Variants in TOX observed in about 807,000 individuals in gnomAD.
The protein encoded by TOX is thymocyte selection-associated high mobility group box protein TOX.
TOX carries 11 observed loss-of-function variants against 53.7 expected under a neutral mutation model. The ratio of observed to expected loss-of-function variants is 0.20; its 90% CI spans 0.13 to 0.34. TOX has a LOEUF of 0.34. Ranked by LOEUF, TOX falls within the 10% of genes least tolerant of loss-of-function variation. The pLI is 1.00. For missense variants in TOX, 570 were observed against 664.6 expected (o/e 0.86, Z 1.56); for synonymous variants, 225 against 245.3 (o/e 0.92, Z 0.77).
intron 1 of TOX, among the ~76,000 whole-genome samples, chr8:58,999,724 AT>A (rs1351223665): frequency 1.3e-5 from 2 of 152,116 alleles, no homozygotes; most frequent in Non-Finnish European, 2.9e-5. Flanking sequence ...GGCGATCTCT[AT>A]TTTTTAGGAA....
chr8:59,090,990 G>C (rs1804598233), intron 1 of TOX, among the ~76,000 whole-genome samples: 1 of 152,098 alleles, frequency 6.6e-6, no homozygotes, highest in Non-Finnish European at 1.5e-5. Flanking sequence ...ACTCCAGCAG[G>C]TTTTCCCATG....
At chr8:59,006,998 A>C (rs1326809834) in intron 1 of TOX, among the ~76,000 whole-genome samples, 1 of 152,150 alleles carries the variant, frequency 6.6e-6, no homozygotes, top group Non-Finnish European at 1.5e-5. Context: ...CTTCGTACAC[A>C]CTTGTTGATG....
At chr8:59,061,565 T>C (rs945325787) in intron 1 of TOX, among the ~76,000 whole-genome samples, 5 of 152,016 alleles carry the variant, frequency 3.3e-5, no homozygotes, top group African/African-American at 9.7e-5. Context: ...TCCCCTCTTT[T>C]CCCCCACCCC....
At chr8:58,951,407 A>G (rs576118816) in intron 2 of TOX, among the ~76,000 whole-genome samples, 1 of 152,308 alleles carries the variant, frequency 6.6e-6, no homozygotes, top group African/African-American at 2.4e-5. Context: ...CCAGGCAAGA[A>G]GAAGCTTCCT....
intron 3 of TOX, among the ~76,000 whole-genome samples, chr8:58,881,307 C>T (rs977592299): frequency 2.6e-5 from 4 of 152,164 alleles, no homozygotes; most frequent in African/African-American, 7.2e-5. Context: ...GTATTATCCT[C>T]TAAAGACAAT....
chr8:59,005,599 G>C lies in TOX; in HGVS notation c.103-45591C>G, dbSNP rs1813776673. On this transcript the variant is annotated intron_variant, in intron 1 of 8. Transcript: ENST00000361421. ...TATCACCATAAAATTTAACAACATA[G>C]TTTTCTAGCAAAATTCACTACATGT... 3.9e-5 allele frequency among the ~76,000 whole-genome samples: 6 copies of C among 152,030 alleles called. No homozygotes were observed. In the South Asian group the frequency reaches 1.2e-3, roughly 32 times the overall value.
chr8:59,115,057 A>T (rs1439960090), intron 1 of TOX, among the ~76,000 whole-genome samples: 1 of 152,158 alleles, frequency 6.6e-6, no homozygotes, highest in East Asian at 1.9e-4. Flanking sequence ...CCAAATGCCC[A>T]CTATTCTTCA....
At chr8:58,928,880 CA>C (rs1311131021) in intron 3 of TOX, among the ~76,000 whole-genome samples, 1 of 152,036 alleles carries the variant, frequency 6.6e-6, no homozygotes, top group African/African-American at 2.4e-5. Flanking sequence ...AATGTGATTA[CA>C]TATACAATAG....
chr8:58,966,313 G>T lies in TOX; in HGVS notation c.103-6305C>A, dbSNP rs147789135. Among the ~76,000 whole-genome samples the T allele has an allele frequency of 1.8e-4, 28 of 152,290 alleles. No homozygotes were observed. In the East Asian group the frequency reaches 5.0e-3, roughly 27 times the overall value. ...GAAAGGAAAGAGACCAGACTGAGCC[G>T]AGGCTATCAACACCCAAAGAAAAGA... On this transcript the variant is annotated intron_variant, in intron 1 of 8. Coordinates refer to ENST00000361421, the MANE Select transcript of TOX (RefSeq NM_014729.3).
At chr8:59,062,038 T>G (rs1020755148) in intron 1 of TOX, among the ~76,000 whole-genome samples, 2 of 152,168 alleles carry the variant, frequency 1.3e-5, no homozygotes, top group African/African-American at 4.8e-5. Context: ...CTGTATAGCA[T>G]TTTGGGATCT....
At chr8:58,825,571 T>C (rs1810351851) in intron 6 of TOX, among the ~76,000 whole-genome samples, 1 of 152,222 alleles carries the variant, frequency 6.6e-6, no homozygotes, top group Non-Finnish European at 1.5e-5. Flanking sequence ...TGTATTGATT[T>C]GCTCCTGTGT....
intron 1 of TOX, 105 bp from the exon 2 acceptor site, chr8:58,960,113 C>T: frequency 1.6e-6 from 2 of 1,266,250 alleles, no homozygotes; most frequent in South Asian, 1.3e-5. Context: ...AAAACAGTAG[C>T]CATAAAAAAT....
At chr8:59,086,594 T>C (rs1179756382) in intron 1 of TOX, among the ~76,000 whole-genome samples, 2 of 152,204 alleles carry the variant, frequency 1.3e-5, no homozygotes, top group African/African-American at 4.8e-5. Context: ...AATAAACTGC[T>C]CTGAATCAAA....
At chr8:58,960,730 T>A (rs1460752466) in intron 1 of TOX, among the ~76,000 whole-genome samples, 5 of 152,182 alleles carry the variant, frequency 3.3e-5, no homozygotes, top group Admixed American at 1.3e-4. Context: ...GCAGCACAAT[T>A]GGAGAACTCT....
At chr8:58,952,379 T>G (rs748626156) in intron 2 of TOX, among the ~76,000 whole-genome samples, 1 of 152,258 alleles carries the variant, frequency 6.6e-6, no homozygotes, top group Non-Finnish European at 1.5e-5. Flanking sequence ...CATTCTTTAG[T>G]GACAGGTTTA....
At chr8:58,912,696 G>A (rs1399319134) in intron 3 of TOX, among the ~76,000 whole-genome samples, 2 of 152,176 alleles carry the variant, frequency 1.3e-5, no homozygotes, top group Admixed American at 6.5e-5. Flanking sequence ...CACGGCTCAG[G>A]AGTGAACTCA....
chr8:58,992,408 G>T (rs1343298131), intron 1 of TOX, among the ~76,000 whole-genome samples: 1 of 152,112 alleles, frequency 6.6e-6, no homozygotes, highest in African/African-American at 2.4e-5. Flanking sequence ...GGCACAGGAT[G>T]TCTGCTTCCT....
Position 59,118,203 on chromosome 8 carries a change from C to T in TOX, c.102+683G>A, listed in dbSNP as rs1805142518. 6.6e-6 allele frequency among the ~76,000 whole-genome samples: 1 copy of T among 152,208 alleles called. No individual in the cohort carries two copies. Among genetic ancestry groups the T allele is most frequent in the African/African-American group, 2.4e-5 (1 of 41,458 alleles). On this transcript the variant is annotated intron_variant, in intron 1 of 8. Coordinates refer to ENST00000361421, the MANE Select transcript of TOX (RefSeq NM_014729.3). This position sits in a 1 kb window ranked among gnomAD's most constrained non-coding sequence, Gnocchi z 4.1. ...TTGGACTTGAACGCGACGTGCTCGC[C>T]CGGCTCCCAACAAACTTGCAATTTC...
At chr8:58,895,871 C>G (rs2129172310) in intron 3 of TOX, among the ~76,000 whole-genome samples, 1 of 152,268 alleles carries the variant, frequency 6.6e-6, no homozygotes, top group South Asian at 2.1e-4. Context: ...TAGTTCCTAC[C>G]TCGGGAGGGG....
Sources: allele counts gnomAD v4.1 joint callset (sites outside exome capture counted in the v4.1 genomes callset), GRCh38; gene constraint gnomAD v4.1.1; non-coding constraint Gnocchi (gnomAD v3.1); transcripts MANE v1.5; gene names NCBI Gene and HGNC (gene_info 2026-07-23, HGNC 2026-07-21).